The following CEP250 variants were observed in gnomAD, a reference collection of about 807,000 sequenced individuals.
The protein encoded by CEP250 is centrosomal protein 250.
In CEP250, 242 loss-of-function variants were observed where a neutral mutation model predicts 315.7. The ratio of observed to expected loss-of-function variants is 0.77; its 90% CI spans 0.69 to 0.85. CEP250 has a LOEUF of 0.85. Among genes scored for constraint, CEP250 ranks in the 40% least tolerant of loss-of-function variants. The pLI is 0.00. For synonymous variants in CEP250, 1,088 were observed against 1,175.0 expected (o/e 0.93, Z 1.51); for missense variants, 2,515 against 2,886.4 (o/e 0.87, Z 2.95).
chr20:35,509,926 CTGCAAGGAAACT>C, intron 33 of CEP250, 60 bp from the exon 34 acceptor site: 1 of 1,389,202 alleles, frequency 7.2e-7, no homozygotes, highest in Non-Finnish European at 1.0e-6. Context: ...TGATGAGGTT[CTGCAAGGAAACT>C]TGCAGAAACC....
intron 30 of CEP250, among the ~76,000 whole-genome samples, chr20:35,505,295 G>A (rs1264883644): frequency 6.6e-6 from 1 of 152,230 alleles, no homozygotes; most frequent in Non-Finnish European, 1.5e-5. Context: ...CAGGCATGCT[G>A]GAGGGATGCC....
intron 20 of CEP250, 134 bp from the exon 21 acceptor site, chr20:35,490,503 G>T: frequency 1.7e-6 from 1 of 598,926 alleles, no homozygotes; most frequent in Non-Finnish European, 2.7e-6. Flanking sequence ...CTTTACAGAT[G>T]AGGCAACAGG....
chr20:35,459,610 C>A lies in CEP250; in HGVS notation c.-226-373C>A, dbSNP rs1201791238. Reference sequence around the variant, plus strand: ...GACAAGCTTAGGCAACATGGCAAAACCTTGTCTCTACCAAAGAAAAAAAAA... The same window carrying A: ...GACAAGCTTAGGCAACATGGCAAAAACTTGTCTCTACCAAAGAAAAAAAAA... On this transcript the variant is annotated intron_variant, in intron 2 of 34. Transcript: ENST00000397527. Among the ~76,000 whole-genome samples, 3 of 146,080 alleles carry A rather than the reference C, an allele frequency of 2.1e-5. No individual in the cohort carries two copies. The East Asian group carries it at 6.0e-4, about 29-fold the overall frequency.
chr20:35,492,484 ATC>A (rs1238396927), intron 22 of CEP250, among the ~76,000 whole-genome samples: 2 of 152,162 alleles, frequency 1.3e-5, no homozygotes, highest in African/African-American at 2.4e-5. Context: ...TATGAGTTAT[ATC>A]TCAAGCCATT....
rs1050199038 is a variant in CEP250 at position 35,482,991 on chromosome 20, C to T, written c.2586+2846C>T. Among the ~76,000 whole-genome samples, 3 of 152,114 alleles carry T rather than the reference C, an allele frequency of 2.0e-5. No individual in the cohort carries two copies. In the South Asian group the frequency reaches 6.2e-4, roughly 31 times the overall value. On this transcript the variant is annotated intron_variant, in intron 20 of 34. Transcript: ENST00000397527. The stretch of plus-strand genomic sequence containing the variant: ...TTATCTCTTCAATATTACCTCTTTC[C>T]TACTGTCCTGCTTTTATTTATTTAC...
intron 23 of CEP250, 64 bp from the exon 24 acceptor site, chr20:35,494,460 G>T (rs2063780443): frequency 1.2e-6 from 2 of 1,603,410 alleles, no homozygotes; most frequent in Non-Finnish European, 1.7e-6. Context: ...AGCCCTAGGT[G>T]AGGAGCATCT....
chr20:35,487,558 T>C (rs2063551007), intron 20 of CEP250, among the ~76,000 whole-genome samples: 1 of 152,158 alleles, frequency 6.6e-6, no homozygotes, highest in Non-Finnish European at 1.5e-5. Flanking sequence ...AGTAATGATA[T>C]TGGACACTTG....
intron 34 of CEP250, 52 bp downstream of exon 34, chr20:35,510,106 T>G: frequency 1.3e-6 from 2 of 1,516,494 alleles, no homozygotes; most frequent in Non-Finnish European, 1.8e-6. Flanking sequence ...CTCAGGCCCT[T>G]TGTGCACCTC....
chr20:35,508,684 C>T (rs1490916056), intron 32 of CEP250, among the ~76,000 whole-genome samples: 2 of 152,330 alleles, frequency 1.3e-5, no homozygotes, highest in African/African-American at 4.8e-5. Flanking sequence ...CCCCACAAAG[C>T]CTACAGTACT....
intron 21 of CEP250, 39 bp from the exon 22 acceptor site, chr20:35,491,173 C>A: frequency 6.2e-7 from 1 of 1,602,966 alleles, no homozygotes; most frequent in Non-Finnish European, 8.5e-7. Context: ...GCATGGTAAT[C>A]CTGAGCCCAC....
intron 4 of CEP250, among the ~76,000 whole-genome samples, chr20:35,463,339 G>A (rs1348969672): frequency 6.6e-6 from 1 of 152,196 alleles, no homozygotes; most frequent in African/African-American, 2.4e-5. Flanking sequence ...GGAAGCGGAG[G>A]TTGCAGTGAG....
chr20:35,469,719 A>G (rs1282155916), intron 9 of CEP250, 171 bp from the exon 10 acceptor site: 5 of 475,384 alleles, frequency 1.1e-5, no homozygotes, highest in Non-Finnish European at 1.9e-5. Flanking sequence ...TCAAGGCTAT[A>G]GCATCATGTG....
chr20:35,498,115 T>C (rs1418538908), intron 26 of CEP250, 48 bp downstream of exon 26: 2 of 1,389,244 alleles, frequency 1.4e-6, no homozygotes, highest in Non-Finnish European at 1.9e-6. Flanking sequence ...AAGCCAGGCC[T>C]GGCTCCCAGG....
rs113367437 is a variant in CEP250, at chr20:35,502,878, G to A, written c.4509G>A (p.Leu1503=). 1 of 1,614,252 alleles carries A rather than the reference G, an allele frequency of 6.2e-7. No homozygotes were observed. Among genetic ancestry groups the A allele is most frequent in the Admixed American group, 1.7e-5 (1 of 60,036 alleles). Residue 1503 remains leucine (L), a synonymous_variant, in exon 30 of 35, where the codon CTG becomes CTA. Transcript: ENST00000397527. ...PMAVQEREQK[L]TVQREQIREL... ...CCGTCCAGGAGCGAGAGCAGAAGCT[G>A]ACTGTGCAGAGGGAGCAGATCAGAG...
chr20:35,467,339 T>C lies in CEP250; in HGVS notation c.635T>C (p.Leu212Pro), dbSNP rs1266790465. The C allele has an allele frequency of 1.2e-6, 2 of 1,614,052 alleles. No individual in the cohort carries two copies. The highest frequency in any genetic ancestry group is 1.7e-6 in the Non-Finnish European group (2 of 1,179,988). The change falls in exon 9 of 35, where the codon CTT becomes CCT. Residue 212 changes from leucine to proline, a missense_variant. Transcript: ENST00000397527. The stretch of plus-strand genomic sequence containing the variant: ...GAGCTAAAAGCTGAGCATGTGAGGC[T>C]TTCAGGGTCTCTGTTGACCTGTTGT... ...LMELKAEHVR[L>P]SGSLLTCCLR...
At chr20:35,502,023 A>C in intron 29 of CEP250, 57 bp downstream of exon 29, 1 of 1,568,906 alleles carries the variant, frequency 6.4e-7, no homozygotes, top group Non-Finnish European at 8.6e-7. Context: ...CCTTGGGCCC[A>C]CCTTGGCCTG....
Position 35,504,969 on chromosome 20 carries a change from T to C in CEP250, c.6600T>C (p.Ser2200=), listed in dbSNP as rs755267230. The change falls in exon 30 of 35, where the codon TCT becomes TCC. Residue 2200 remains serine, a synonymous_variant. Coordinates refer to ENST00000397527, the MANE Select transcript of CEP250 (RefSeq NM_007186.6). ...LQEVAMFLQA[S]VLERDSEQQR... ...AGGTAGCCATGTTCCTACAAGCCTC[T>C]GTCCTGGAGCGGGACTCAGAACAGC... 2 of 1,612,622 alleles carry C rather than the reference T, an allele frequency of 1.2e-6. No homozygotes were observed. The highest frequency in any genetic ancestry group is 8.5e-7 in the Non-Finnish European group (1 of 1,178,932).
chr20:35,467,275 A>G, intron 8 of CEP250, 29 bp from the exon 9 acceptor site: 1 of 1,601,874 alleles, frequency 6.2e-7, no homozygotes. Flanking sequence ...TTCCTAGTGG[A>G]GTCTGCTGTT....
intron 20 of CEP250, among the ~76,000 whole-genome samples, chr20:35,489,682 T>G (rs1169282516): frequency 6.6e-6 from 1 of 152,188 alleles, no homozygotes; most frequent in Non-Finnish European, 1.5e-5. Context: ...AAAGCTTTGG[T>G]TGCTGGAAGA....
Sources: gnomAD v4.1 joint callset for allele counts (sites outside exome capture counted in the v4.1 genomes callset) on GRCh38, gnomAD v4.1.1 for gene constraint, MANE v1.5 for transcripts, NCBI Gene and HGNC (gene_info 2026-07-23, HGNC 2026-07-21) for gene names.